ENO4: variants seen among roughly 807,000 people sequenced by gnomAD.
ENO4 encodes the protein 2-phospho-D-glycerate hydro-lyase.
Under a neutral mutation model 63.2 loss-of-function variants are expected in ENO4, and 53 were observed. The observed-to-expected ratio is 0.84, with a 90% confidence interval of 0.67 to 1.05. ENO4 has a LOEUF of 1.05. Among genes scored for constraint, ENO4 ranks in the 50% least tolerant of loss-of-function variants. The pLI is 0.00. For missense variants in ENO4, 719 were observed against 772.0 expected (o/e 0.93, Z 0.81); for synonymous variants, 266 against 283.8 (o/e 0.94, Z 0.63).
At chr10:116,896,748 C>T (rs1056046301) in intron 10 of ENO4, among the ~76,000 whole-genome samples, 4 of 151,736 alleles carry the variant, frequency 2.6e-5, no homozygotes, top group South Asian at 4.2e-4. Flanking sequence ...TTCTCCACCC[C>T]GAAATAAACA....
chr10:116,889,147 T>C (rs1427839085), intron 10 of ENO4, among the ~76,000 whole-genome samples: 2 of 152,222 alleles, frequency 1.3e-5, no homozygotes, highest in African/African-American at 2.4e-5. Context: ...TGTGTGTCTG[T>C]AGGTGAAGGG....
intron 7 of ENO4, among the ~76,000 whole-genome samples, chr10:116,868,316 A>G (rs1846597784): frequency 6.6e-6 from 1 of 152,274 alleles, no homozygotes; most frequent in Non-Finnish European, 1.5e-5. Flanking sequence ...GCCTGCACAC[A>G]GCAGGAGTTC....
At position 116,881,609 on chromosome 10, in the gene ENO4, GC is replaced by G. The variant is rs2133286826; in HGVS notation, c.1821del (p.Thr608ProfsTer7). The G allele has an allele frequency of 1.3e-6, 2 of 1,550,406 alleles. No homozygotes were observed. Among genetic ancestry groups the G allele is most frequent in the Non-Finnish European group, 1.7e-6 (2 of 1,146,920 alleles). On this transcript the variant is annotated frameshift_variant, in exon 14 of 14. Coordinates refer to ENST00000341276, the MANE Select transcript of ENO4 (RefSeq NM_001242699.2). LOFTEE classifies it low-confidence loss of function (END_TRUNC). ...EAAAAREPLV[P>X]TFPTQGVEES... is the part of the protein sequence containing the mutation. ...CTGCTGCGGCTAGGGAGCCGCTGGT[GC>G]CCACCTTCCCCACACAAGGTGTAGA...
At chr10:116,879,156 GA>G (rs1191688713) in intron 11 of ENO4, 134 bp from the exon 12 acceptor site, 2 of 607,454 alleles carry the variant, frequency 3.3e-6, no homozygotes, top group East Asian at 5.8e-5. Flanking sequence ...GCAAACGTTA[GA>G]ATCCTAGGTA....
At chr10:116,876,914 G>A (rs768207998) in intron 11 of ENO4, among the ~76,000 whole-genome samples, 5 of 152,066 alleles carry the variant, frequency 3.3e-5, no homozygotes, top group Non-Finnish European at 7.4e-5. Context: ...TCGCGCCACT[G>A]CACTCCAGCC....
intron 3 of ENO4, among the ~76,000 whole-genome samples, 179 bp downstream of exon 3, chr10:116,856,861 C>A (rs999843430): frequency 2.0e-5 from 3 of 152,034 alleles, no homozygotes; most frequent in African/African-American, 7.2e-5. Context: ...TGGTGGTGGG[C>A]GCCTGTAGTC....
At chr10:116,907,985 G>A in intron 10 of ENO4, 1 of 487,654 alleles carries the variant, frequency 2.1e-6, no homozygotes, top group Non-Finnish European at 4.1e-6. Context: ...AAGAAGCCTT[G>A]TTTCTTCTTT....
At chr10:116,868,525 G>A (rs1637571) in intron 7 of ENO4, 125 bp from the exon 8 acceptor site, 513,748 of 767,832 alleles carry the variant, frequency 0.67, 178,529 homozygotes, top group Non-Finnish European at 0.73. Context: ...GTGTGTGTGC[G>A]TGTATGTGTG....
intron 10 of ENO4, chr10:116,900,293 C>T: frequency 3.9e-6 from 2 of 519,038 alleles, no homozygotes; most frequent in Non-Finnish European, 6.9e-6. Flanking sequence ...TGGAATGTGT[C>T]TCTTAAGCAG....
At chr10:116,868,439 C>G in intron 7 of ENO4, 1 of 684,866 alleles carries the variant, frequency 1.5e-6, no homozygotes, top group Non-Finnish European at 2.7e-6. Flanking sequence ...AAAGGAAACA[C>G]ATTCCTGAAT....
At chr10:116,865,737 A>T (rs1323141657) in intron 7 of ENO4, among the ~76,000 whole-genome samples, 3 of 152,136 alleles carry the variant, frequency 2.0e-5, no homozygotes, top group African/African-American at 7.2e-5. Flanking sequence ...CAGAGCTGCT[A>T]CTGAGTGTCC....
intron 7 of ENO4, among the ~76,000 whole-genome samples, chr10:116,867,540 G>A (rs1440245105): frequency 2.6e-5 from 4 of 152,134 alleles, no homozygotes; most frequent in Non-Finnish European, 5.9e-5. Flanking sequence ...AATGAGACAT[G>A]ACTGTGCCAC....
At chr10:116,849,788 C>T in intron 1 of ENO4, 57 bp downstream of exon 1, 1 of 1,457,780 alleles carries the variant, frequency 6.9e-7, no homozygotes, top group Non-Finnish European at 9.1e-7. Flanking sequence ...CCGCCCCGCG[C>T]TGCGGCAACG....
chr10:116,884,336 T>C (rs998146143), downstream of ENO4: 12 of 442,926 alleles, frequency 2.7e-5, no homozygotes, highest in Non-Finnish European at 5.1e-5. Context: ...AAAAGGTGAG[T>C]GAATATCTTC....
chr10:116,869,967 C>G (rs904446165), intron 8 of ENO4, among the ~76,000 whole-genome samples: 2 of 152,212 alleles, frequency 1.3e-5, no homozygotes, highest in Admixed American at 1.3e-4. Context: ...GTGCTTAGAA[C>G]AGTACCTGGC....
chr10:116,856,725 G>C, intron 3 of ENO4, 43 bp downstream of exon 3: 1 of 1,446,852 alleles, frequency 6.9e-7, no homozygotes, highest in Non-Finnish European at 9.2e-7. Context: ...GTACAAGCCG[G>C]GCACAGTGGC....
At chr10:116,910,787 A>G (rs1336166600) in intron 10 of ENO4, among the ~76,000 whole-genome samples, 1 of 152,188 alleles carries the variant, frequency 6.6e-6, no homozygotes, top group Non-Finnish European at 1.5e-5. Context: ...TAATCACCAC[A>G]TGCTTTTTCA....
chr10:116,901,061 C>T (rs942025704), intron 10 of ENO4: 11 of 985,344 alleles, frequency 1.1e-5, no homozygotes, highest in South Asian at 9.4e-5. Flanking sequence ...TTACAATATT[C>T]GGCTGATCTG....
intron 7 of ENO4, 100 bp downstream of exon 7, chr10:116,862,952 T>G: frequency 1.2e-6 from 1 of 850,516 alleles, no homozygotes; most frequent in Non-Finnish European, 1.9e-6. Flanking sequence ...GTGGTTGATA[T>G]GGAGAATGTA....
Sources: allele counts gnomAD v4.1 joint callset (sites outside exome capture counted in the v4.1 genomes callset), GRCh38; gene constraint gnomAD v4.1.1; transcripts MANE v1.5; gene names NCBI Gene and HGNC (gene_info 2026-07-23, HGNC 2026-07-21).